CADM2: variants seen among roughly 807,000 people sequenced by gnomAD.
CADM2 encodes the protein cell adhesion molecule 2.
In CADM2, 12 loss-of-function variants were observed where a neutral mutation model predicts 49.8. That is an observed-to-expected ratio of 0.24 (90% CI 0.15 to 0.39). The LOEUF (loss-of-function observed/expected upper bound fraction) is 0.39, where lower values mean the gene tolerates loss of function less well. Among genes scored for constraint, CADM2 ranks in the 10% least tolerant of loss-of-function variants. CADM2 has a pLI of 1.00. For missense variants in CADM2, 378 were observed against 492.3 expected, an observed-to-expected ratio of 0.77 and a Z score of 2.20; for synonymous variants, 214 against 175.4, an observed-to-expected ratio of 1.22 and a Z score of -1.74.
At chr3:85,804,146 G>T (rs114373326) in intron 3 of CADM2, among the ~76,000 whole-genome samples, 1 of 152,154 alleles carries the variant, frequency 6.6e-6, no homozygotes, top group African/African-American at 2.4e-5. Flanking sequence ...TATTTAAAGT[G>T]TATGCTCAAA....
At chr3:85,090,240 T>C (rs1202921734) in intron 1 of CADM2, among the ~76,000 whole-genome samples, 2 of 152,160 alleles carry the variant, frequency 1.3e-5, no homozygotes, top group African/African-American at 4.8e-5. Context: ...ACAATGGATA[T>C]GTTCATTTTA....
intron 1 of CADM2, among the ~76,000 whole-genome samples, chr3:85,344,219 CA>C (rs544073309): frequency 0.017 from 2,396 of 140,970 alleles, 55 homozygotes; most frequent in African/African-American, 0.054. Flanking sequence ...ACTAAAAATA[CA>C]AAAAAAAAAA....
intron 1 of CADM2, among the ~76,000 whole-genome samples, chr3:85,567,468 A>G (rs2062300124): frequency 6.6e-6 from 1 of 152,188 alleles, no homozygotes; most frequent in African/African-American, 2.4e-5. Context: ...ACTAATATGA[A>G]GAGATTATTT....
intron 1 of CADM2, among the ~76,000 whole-genome samples, chr3:85,063,668 C>T (rs1453338836): frequency 2.0e-5 from 3 of 151,898 alleles, no homozygotes; most frequent in African/African-American, 7.2e-5. Context: ...GAGCTGCCCT[C>T]CAGATAATGG....
intron 1 of CADM2, among the ~76,000 whole-genome samples, chr3:85,072,671 G>A (rs1457219170): frequency 6.6e-6 from 1 of 151,928 alleles, no homozygotes; most frequent in African/African-American, 2.4e-5. Context: ...AAAAGACATA[G>A]TCTCTTTTCC....
intron 1 of CADM2, among the ~76,000 whole-genome samples, chr3:85,603,581 A>G (rs1471725468): frequency 6.6e-6 from 1 of 151,688 alleles, no homozygotes; most frequent in African/African-American, 2.4e-5. Context: ...GGGGCTATTC[A>G]CTGCTGTTAG....
chr3:85,776,669 A>G (rs1484434191), intron 2 of CADM2, among the ~76,000 whole-genome samples: 2 of 152,078 alleles, frequency 1.3e-5, no homozygotes, highest in Non-Finnish European at 2.9e-5. Flanking sequence ...TTTAATTGTG[A>G]GAGAATATAT....
intron 1 of CADM2, among the ~76,000 whole-genome samples, chr3:85,657,739 T>C (rs1182613441): frequency 3.3e-5 from 4 of 121,536 alleles, no homozygotes; most frequent in South Asian, 5.4e-4. Context: ...GATATATATA[T>C]ACAGATATAT....
chr3:85,636,106 A>G (rs1176659379), intron 1 of CADM2, among the ~76,000 whole-genome samples: 1 of 152,176 alleles, frequency 6.6e-6, no homozygotes, highest in Non-Finnish European at 1.5e-5. Context: ...TTCTACTTAT[A>G]AAAAAGACTT....
intron 1 of CADM2, among the ~76,000 whole-genome samples, chr3:85,406,535 C>T (rs963825700): frequency 6.6e-6 from 1 of 152,078 alleles, no homozygotes; most frequent in Non-Finnish European, 1.5e-5. Flanking sequence ...TATTACTCTT[C>T]GCTAAACCTC....
chr3:85,174,885 CAA>C (rs1160580560), intron 1 of CADM2, among the ~76,000 whole-genome samples: 5 of 152,166 alleles, frequency 3.3e-5, no homozygotes, highest in Admixed American at 2.6e-4. Context: ...ATTCTAGACA[CAA>C]GAGATTGTTG....
At chr3:85,082,438 G>A (rs2037201681) in intron 1 of CADM2, among the ~76,000 whole-genome samples, 1 of 152,084 alleles carries the variant, frequency 6.6e-6, no homozygotes, top group Non-Finnish European at 1.5e-5. Context: ...TCTTTATGAA[G>A]GACAAAGTTA....
At chr3:85,436,692 CT>C (rs1347380935) in intron 1 of CADM2, among the ~76,000 whole-genome samples, 1 of 152,126 alleles carries the variant, frequency 6.6e-6, no homozygotes, top group East Asian at 1.9e-4. Context: ...TTAAAGTAAA[CT>C]TTTTTATTTT....
intron 1 of CADM2, among the ~76,000 whole-genome samples, chr3:85,700,031 C>A (rs1352393977): frequency 2.0e-5 from 3 of 152,170 alleles, no homozygotes; most frequent in Non-Finnish European, 4.4e-5. Context: ...AAGACACATG[C>A]ACACGTATGT....
intron 1 of CADM2, among the ~76,000 whole-genome samples, chr3:85,503,562 G>C (rs1160907736): frequency 6.6e-6 from 1 of 152,150 alleles, no homozygotes; most frequent in Non-Finnish European, 1.5e-5. Flanking sequence ...TGTTTCCTGA[G>C]TAGGTTGAGT....
chr3:85,398,326 G>C (rs1425282602), intron 1 of CADM2, among the ~76,000 whole-genome samples: 1 of 85,646 alleles, frequency 1.2e-5, no homozygotes, highest in African/African-American at 3.0e-5. Flanking sequence ...TCCCTACAAA[G>C]GACATGAAAC....
At chr3:85,811,448 C>A (rs1029067044) in intron 3 of CADM2, among the ~76,000 whole-genome samples, 2 of 152,158 alleles carry the variant, frequency 1.3e-5, no homozygotes, top group Non-Finnish European at 2.9e-5. Context: ...ATTTGCTGAT[C>A]ATCTACTGTG....
At chr3:85,368,916 A>G (rs1332142979) in intron 1 of CADM2, among the ~76,000 whole-genome samples, 1 of 152,108 alleles carries the variant, frequency 6.6e-6, no homozygotes, top group Non-Finnish European at 1.5e-5. Context: ...TACAATCCCT[A>G]TTGCCAGTCC....
rs1559752191 is a variant in CADM2, at chr3:85,935,749, A to AT, written c.701-17dup. Reference sequence around the variant, plus strand: ...TGTATGTGTTTAATTACCTTTCTTAATATTCTTTTATTTCTAGATACACCA... The same window carrying AT: ...TGTATGTGTTTAATTACCTTTCTTAATTATTCTTTTATTTCTAGATACACCA... On this transcript the variant is annotated splice_polypyrimidine_tract_variant and intron_variant, in intron 6 of 9. Coordinates refer to ENST00000383699, the MANE Select transcript of CADM2 (RefSeq NM_001167675.2). The AT allele has an allele frequency of 7.0e-7, 1 of 1,434,242 alleles. No homozygotes were observed. The highest frequency in any genetic ancestry group is 1.2e-5 in the South Asian group (1 of 81,006). 88.8% of individuals were successfully genotyped at this position (1,434,242 alleles called of 1,614,324 possible).
Sources: allele counts gnomAD v4.1 joint callset (sites outside exome capture counted in the v4.1 genomes callset), GRCh38; gene constraint gnomAD v4.1.1; transcripts MANE v1.5; gene names NCBI Gene and HGNC (gene_info 2026-07-23, HGNC 2026-07-21).